The following MMD2 variants were observed in gnomAD, a reference collection of about 807,000 sequenced individuals.
MMD2 encodes monocyte to macrophage differentiation factor 2.
Under a neutral mutation model 33.5 loss-of-function variants are expected in MMD2, and 30 were observed. That is an observed-to-expected ratio of 0.90 (90% CI 0.67 to 1.22). The LOEUF is 1.22. MMD2 is among the 50% of genes most tolerant of loss of function. MMD2 has a pLI of 0.00. For synonymous variants in MMD2, 129 were observed against 123.0 expected, an observed-to-expected ratio of 1.05 and a Z score of -0.32; for missense variants, 364 against 325.4, an observed-to-expected ratio of 1.12 and a Z score of -0.91.
At chr7:4,896,315 A>C in the MMD2 span, among the ~76,000 whole-genome samples, 2 of 152,118 alleles carry the variant, frequency 1.3e-5, no homozygotes, top group African/African-American at 4.8e-5. Context: ...CTCTGTCTCT[A>C]CTAAAATACA....
chr7:4,927,446 G>A (rs1039722598), intron 1 of MMD2, among the ~76,000 whole-genome samples: 2 of 152,134 alleles, frequency 1.3e-5, no homozygotes, highest in African/African-American at 4.8e-5. Context: ...TTGGGAGGCT[G>A]AGGCAGAAGA....
chr7:4,892,488 T>G, the MMD2 span, among the ~76,000 whole-genome samples: 3 of 151,210 alleles, frequency 2.0e-5, no homozygotes, highest in African/African-American at 7.3e-5. Flanking sequence ...CTCGGGAGGC[T>G]GAGGCAGAAG....
chr7:4,907,331 G>T lies in MMD2; in HGVS notation c.*65C>A. ...AGACAGGCCTTGGCGCTGTGCTCTG[G>T]GTTAACGTTCACAGAAACGTGCTCC... On this transcript the variant is annotated 3_prime_UTR_variant, in exon 7 of 7. Coordinates refer to ENST00000401401, the MANE Select transcript of MMD2 (RefSeq NM_198403.4). The T allele has an allele frequency of 6.6e-7, 1 of 1,520,682 alleles. No individual in the cohort carries two copies. Among genetic ancestry groups the T allele is most frequent in the Non-Finnish European group, 9.1e-7 (1 of 1,098,192 alleles). 94.2% of individuals were successfully genotyped at this position (1,520,682 alleles called of 1,614,324 possible).
rs186483451 is a variant in MMD2, at chr7:4,921,016, C to A, written c.130-685G>T. Among the ~76,000 whole-genome samples the A allele has an allele frequency of 7.2e-5, 11 of 152,306 alleles. 1 individual carries two copies. The East Asian group carries it at 2.1e-3, about 29-fold the overall frequency. ...ATAGGCGTGAGCCACCATGCCCAGC[C>A]TCAGGTGTCAATTTCAACAGCCATG... On this transcript the variant is annotated intron_variant, in intron 2 of 6. Coordinates refer to ENST00000401401, the MANE Select transcript of MMD2 (RefSeq NM_198403.4).
downstream of MMD2, among the ~76,000 whole-genome samples, chr7:4,905,049 C>T (rs1038079534): frequency 3.3e-5 from 5 of 152,158 alleles, no homozygotes; most frequent in African/African-American, 1.2e-4. The surrounding 1 kb of genome is among the most constrained non-coding windows in gnomAD (Gnocchi z 5.0). Context: ...GTGGGACCAG[C>T]ACCTCCAAAA....
chr7:4,958,554 T>C (rs916277677), intron 1 of MMD2, among the ~76,000 whole-genome samples: 13 of 152,096 alleles, frequency 8.5e-5, no homozygotes, highest in African/African-American at 3.1e-4. Flanking sequence ...TACCAACGCC[T>C]TTTACCATGA....
chr7:4,950,093 G>A lies in MMD2; in HGVS notation c.47+8878C>T, dbSNP rs773379394. Among the ~76,000 whole-genome samples the A allele has an allele frequency of 1.3e-3, 198 of 151,938 alleles. 1 individual carries two copies. The highest frequency in any genetic ancestry group is 2.3e-3 in the Non-Finnish European group (156 of 67,972). The stretch of plus-strand genomic sequence containing the variant: ...TTCACCTTCTTTTGTGTGTGTGTGT[G>A]TGTGTGTGTGTGTTGTGTGTGTGAG... On this transcript the variant is annotated intron_variant, in intron 1 of 6. Transcript: ENST00000401401.
At chr7:4,929,586 G>A (rs181096242) in intron 1 of MMD2, among the ~76,000 whole-genome samples, 38 of 151,940 alleles carry the variant, frequency 2.5e-4, no homozygotes, top group African/African-American at 4.6e-4. Flanking sequence ...GTGCAATGGC[G>A]CTGTCTTGGC....
intron 1 of MMD2, among the ~76,000 whole-genome samples, chr7:4,947,065 T>G (rs1265693048): frequency 6.6e-6 from 1 of 151,720 alleles, no homozygotes; most frequent in Admixed American, 6.6e-5. Context: ...AAAATTACCT[T>G]GGTGTGGTGG....
the MMD2 span, among the ~76,000 whole-genome samples, chr7:4,895,384 T>A: frequency 6.6e-6 from 1 of 151,994 alleles, no homozygotes; most frequent in Non-Finnish European, 1.5e-5. Flanking sequence ...CCAGCTGAAG[T>A]CTTTTTATGG....
rs1786474712 is a variant in MMD2 at position 4,959,157 on chromosome 7, G to GC, written c.-141dup. 2 of 589,128 alleles carry GC rather than the reference G, an allele frequency of 3.4e-6. No individual in the cohort carries two copies. Among genetic ancestry groups the GC allele is most frequent in the Admixed American group, 4.8e-5 (1 of 20,920 alleles). The allele number at this position is 589,128 out of a possible 1,614,324, so 36.5% of individuals were successfully genotyped here. On this transcript the variant is annotated 5_prime_UTR_variant, in exon 1 of 7. Transcript: ENST00000401401. ...GACCTGGTCGGCGCCCGGAGCCGGA[G>GC]CCGGAGCCCGAGCCGGAGCTGGAGG...
the MMD2 span, among the ~76,000 whole-genome samples, chr7:4,893,310 C>G: frequency 7.2e-5 from 11 of 151,900 alleles, no homozygotes. Flanking sequence ...AATGACTACT[C>G]CATAGGCAGA....
chr7:4,949,472 ATGATCTCCAGTTCCATCCATGT>A (rs1024169445), intron 1 of MMD2, among the ~76,000 whole-genome samples: 8 of 151,716 alleles, frequency 5.3e-5, no homozygotes, highest in African/African-American at 1.9e-4. Context: ...ACTTAATAGA[ATGATCTCCAGTTCCATCCATGT>A]TGCTGCAAAT....
chr7:4,934,277 G>C (rs1785676318), intron 1 of MMD2, among the ~76,000 whole-genome samples: 1 of 149,746 alleles, frequency 6.7e-6, no homozygotes, highest in African/African-American at 2.4e-5. Flanking sequence ...AATTTTTTTG[G>C]ATTTTTAGCG....
At chr7:4,917,358 C>T (rs1785167226) in intron 3 of MMD2, among the ~76,000 whole-genome samples, 1 of 152,050 alleles carries the variant, frequency 6.6e-6, no homozygotes, top group Non-Finnish European at 1.5e-5. Flanking sequence ...ATAGTAAGTG[C>T]TCAATAAATA....
Position 4,946,110 on chromosome 7 carries a change from C to CGCACACGCACGCACACACCT in MMD2, c.47+12841_47+12860dup, listed in dbSNP as rs1032754184. 4.0e-5 allele frequency among the ~76,000 whole-genome samples: 6 copies of CGCACACGCACGCACACACCT among 151,622 alleles called. No homozygotes were observed. Among genetic ancestry groups the CGCACACGCACGCACACACCT allele is most frequent in the South Asian group, 2.1e-4 (1 of 4,798 alleles). ...GCACGCACACACACGCATGCACACGCGCACACGCACGCACACACCTGCACA... is the reference window on the plus strand; with the variant it reads ...GCACGCACACACACGCATGCACACGCGCACACGCACGCACACACCTGCACACGCACGCACACACCTGCACA... On this transcript the variant is annotated intron_variant, in intron 1 of 6. Coordinates refer to ENST00000401401, the MANE Select transcript of MMD2 (RefSeq NM_198403.4). This position sits in a 1 kb window ranked among gnomAD's most constrained non-coding sequence, Gnocchi z 5.0.
downstream of MMD2, among the ~76,000 whole-genome samples, chr7:4,901,619 G>A (rs886125294): frequency 1.3e-5 from 2 of 152,214 alleles, no homozygotes; most frequent in African/African-American, 4.8e-5. Context: ...TTTGGGTCAG[G>A]TTCGACTGGC....
rs1479135143 is a variant in MMD2, at chr7:4,957,377, G to A, written c.47+1594C>T. On this transcript the variant is annotated intron_variant, in intron 1 of 6. Transcript: ENST00000401401. ...AAGAAAAAAAACAAAGGCCGGGGGCGGTGGGTCATGCCTGTAATCCCAGCA... is the reference window on the plus strand; with the variant it reads ...AAGAAAAAAAACAAAGGCCGGGGGCAGTGGGTCATGCCTGTAATCCCAGCA... Among the ~76,000 whole-genome samples, 7 of 151,576 alleles carry A rather than the reference G, an allele frequency of 4.6e-5. No individual in the cohort carries two copies. In the East Asian group the frequency reaches 7.8e-4, roughly 17 times the overall value.
At chr7:4,908,251 C>G (rs924123155) in intron 6 of MMD2, among the ~76,000 whole-genome samples, 4 of 151,062 alleles carry the variant, frequency 2.6e-5, no homozygotes, top group African/African-American at 9.7e-5. Context: ...AACCAATTCT[C>G]CTGCCTCAGC....
Sources: allele counts gnomAD v4.1 joint callset (sites outside exome capture counted in the v4.1 genomes callset), GRCh38; gene constraint gnomAD v4.1.1; non-coding constraint Gnocchi (gnomAD v3.1); transcripts MANE v1.5; gene names NCBI Gene and HGNC (gene_info 2026-07-23, HGNC 2026-07-21).